Variants in CAMKMT observed in about 807,000 individuals in gnomAD.
CAMKMT encodes the protein CaM KMT.
Under a neutral mutation model 48.0 loss-of-function variants are expected in CAMKMT, and 53 were observed. The ratio of observed to expected loss-of-function variants is 1.10; its 90% CI spans 0.89 to 1.39. The LOEUF is 1.39. CAMKMT is among the 40% of genes most tolerant of loss of function. CAMKMT has a pLI of 0.00. For missense variants in CAMKMT, 428 were observed against 402.7 expected, an observed-to-expected ratio of 1.06 and a Z score of -0.54; for synonymous variants, 165 against 152.3, an observed-to-expected ratio of 1.08 and a Z score of -0.61.
At chr2:44,765,816 T>G (rs1680819234) in intron 9 of CAMKMT, among the ~76,000 whole-genome samples, 1 of 152,220 alleles carries the variant, frequency 6.6e-6, no homozygotes, top group Non-Finnish European at 1.5e-5. Flanking sequence ...GCTATAGTGA[T>G]GACCATCATG....
chr2:44,756,699 G>A (rs1474064847), intron 9 of CAMKMT, among the ~76,000 whole-genome samples: 1 of 150,184 alleles, frequency 6.7e-6, no homozygotes, highest in African/African-American at 2.5e-5. Flanking sequence ...CCGAGATCAC[G>A]TCACTGCATT....
At chr2:44,589,624 T>A in intron 3 of CAMKMT, among the ~76,000 whole-genome samples, 1 of 79,998 alleles carries the variant, frequency 1.3e-5, no homozygotes, top group East Asian at 2.3e-4. Context: ...CTGTGTCCAC[T>A]CAGGGTTACA....
At chr2:44,638,794 G>C (rs1673288104) in intron 3 of CAMKMT, among the ~76,000 whole-genome samples, 1 of 152,170 alleles carries the variant, frequency 6.6e-6, no homozygotes, top group Admixed American at 6.5e-5. Flanking sequence ...CTGATTAATT[G>C]CCTCTGACAT....
chr2:44,760,480 G>A (rs935782563), intron 9 of CAMKMT, among the ~76,000 whole-genome samples: 2 of 151,724 alleles, frequency 1.3e-5, no homozygotes, highest in Non-Finnish European at 2.9e-5. Context: ...GCATTATGGC[G>A]GGTGCCTGTA....
rs904426864 is a variant in CAMKMT at position 44,732,994 on chromosome 2, T to C, written c.624-10628T>C. ...CTCTTGTGTGTGTCTAAGAAATCTT[T>C]ACCTAACTCAAGGTTACAAAGATTT... On this transcript the variant is annotated intron_variant, in intron 7 of 10. Transcript: ENST00000378494. Among the ~76,000 whole-genome samples, 14 of 152,350 alleles carry C rather than the reference T, an allele frequency of 9.2e-5. 1 individual carries two copies. The East Asian group carries it at 2.7e-3, about 29-fold the overall frequency.
At chr2:44,633,950 G>T (rs1422305175) in intron 3 of CAMKMT, among the ~76,000 whole-genome samples, 1 of 151,966 alleles carries the variant, frequency 6.6e-6, no homozygotes, top group Admixed American at 6.6e-5. Flanking sequence ...GTTTTTTTAA[G>T]CTTTTGGAGG....
intron 3 of CAMKMT, among the ~76,000 whole-genome samples, chr2:44,479,243 C>G (rs1668847193): frequency 6.6e-6 from 1 of 152,140 alleles, no homozygotes; most frequent in South Asian, 2.1e-4. Context: ...TCAATAAAAA[C>G]TTTCCTTAAT....
intron 3 of CAMKMT, among the ~76,000 whole-genome samples, chr2:44,429,094 GGGCTCC>G: frequency 6.6e-6 from 1 of 152,114 alleles, no homozygotes; most frequent in South Asian, 2.1e-4. Context: ...TCTTCTTACA[GGGCTCC>G]TTGAGCCCCA....
chr2:44,668,324 G>A (rs550319422), intron 3 of CAMKMT, among the ~76,000 whole-genome samples: 1 of 152,250 alleles, frequency 6.6e-6, no homozygotes, highest in East Asian at 1.9e-4. Context: ...TCCTCACTAA[G>A]GCTAGGCATT....
At chr2:44,605,066 G>A (rs1671208640) in intron 3 of CAMKMT, among the ~76,000 whole-genome samples, 1 of 152,086 alleles carries the variant, frequency 6.6e-6, no homozygotes. Flanking sequence ...CCTTCTGTCT[G>A]TCTTCCAAAA....
intron 3 of CAMKMT, among the ~76,000 whole-genome samples, chr2:44,556,165 G>A (rs537684412): frequency 1.4e-4 from 21 of 152,066 alleles, no homozygotes; most frequent in Admixed American, 1.2e-3. Context: ...TTGAGATGGA[G>A]TCTTGCTCTG....
rs574885840 is a variant in CAMKMT, at chr2:44,633,518, A to C, written c.377-70765A>C. On this transcript the variant is annotated intron_variant, in intron 3 of 10. Transcript: ENST00000378494. The stretch of plus-strand genomic sequence containing the variant: ...TTCTATCACTCTTACCAATGTTTAC[A>C]TCTGCACTGACTAATCTGATGTTAA... 6.6e-5 allele frequency among the ~76,000 whole-genome samples: 10 copies of C among 152,262 alleles called. No individual in the cohort carries two copies. In the South Asian group the frequency reaches 1.9e-3, roughly 28 times the overall value.
At position 44,706,435 on chromosome 2, in the gene CAMKMT, C is replaced by A. The variant is rs978615612; in HGVS notation, c.492+94C>A. On this transcript the variant is annotated intron_variant, in intron 5 of 10. Transcript: ENST00000378494. ...AACTGCTGGGTCAGAGAACCGTCAA[C>A]AGCATCAGCTGCGGTCAAGCTGCCG... The A allele has an allele frequency of 4.9e-6, 6 of 1,221,766 alleles. No homozygotes were observed. In the African/African-American group the frequency reaches 7.5e-5, roughly 15 times the overall value. 75.7% of individuals were successfully genotyped at this position (1,221,766 alleles called of 1,614,324 possible). A position where few individuals can be genotyped will look rare whatever the true frequency, so the allele number is the denominator to read the frequency against.
intron 3 of CAMKMT, among the ~76,000 whole-genome samples, chr2:44,662,327 A>G (rs1316192480): frequency 6.6e-6 from 1 of 152,192 alleles, no homozygotes; most frequent in Non-Finnish European, 1.5e-5. Context: ...GAACGACTAT[A>G]AGAGGAGAGT....
chr2:44,703,771 TA>T (rs547342457), intron 3 of CAMKMT, among the ~76,000 whole-genome samples: 17,657 of 84,076 alleles, frequency 0.21, 1,198 homozygotes, highest in African/African-American at 0.28. Flanking sequence ...AGCAAGACTC[TA>T]AAAAAAAAAA....
intron 3 of CAMKMT, among the ~76,000 whole-genome samples, chr2:44,537,084 G>C (rs1666816907): frequency 6.6e-6 from 1 of 152,108 alleles, no homozygotes; most frequent in African/African-American, 2.4e-5. Context: ...AGGGGAAACA[G>C]TTTAGGACAC....
chr2:44,466,191 T>C (rs535059648), intron 3 of CAMKMT, among the ~76,000 whole-genome samples: 13 of 152,294 alleles, frequency 8.5e-5, no homozygotes, highest in African/African-American at 3.1e-4. Context: ...CTAACAGATA[T>C]ACAGAACACT....
chr2:44,477,459 A>T (rs183862383), intron 3 of CAMKMT, among the ~76,000 whole-genome samples: 1 of 152,362 alleles, frequency 6.6e-6, no homozygotes, highest in Admixed American at 6.5e-5. Context: ...CTGGTTTGGA[A>T]ATTGATAAAA....
At chr2:44,553,592 C>T (rs1667842448) in intron 3 of CAMKMT, among the ~76,000 whole-genome samples, 3 of 152,110 alleles carry the variant, frequency 2.0e-5, no homozygotes, top group African/African-American at 7.2e-5. Context: ...AATTCCTGGC[C>T]TCAAGCCATC....
Sources: allele counts gnomAD v4.1 joint callset (sites outside exome capture counted in the v4.1 genomes callset), GRCh38; gene constraint gnomAD v4.1.1; transcripts MANE v1.5; gene names NCBI Gene and HGNC (gene_info 2026-07-23, HGNC 2026-07-21).